SYCP2: variants seen among roughly 807,000 people sequenced by gnomAD.
The protein encoded by SYCP2 is synaptonemal complex lateral element protein.
Under a neutral mutation model 211.3 loss-of-function variants are expected in SYCP2, and 55 were observed. The observed-to-expected ratio is 0.26, with a 90% CI of 0.21 to 0.33. The LOEUF is 0.33. Among genes scored for constraint, SYCP2 ranks in the 10% least tolerant of loss-of-function variants. The pLI, the probability that SYCP2 is intolerant of heterozygous loss-of-function variation, is 1.00. For missense variants in SYCP2, 1,731 were observed against 1,752.0 expected (o/e 0.99, Z 0.21); for synonymous variants, 570 against 555.2 (o/e 1.03, Z -0.37).
At chr20:59,888,188 A>C (rs565869820) in intron 24 of SYCP2, among the ~76,000 whole-genome samples, 1 of 152,118 alleles carries the variant, frequency 6.6e-6, no homozygotes, top group Admixed American at 6.6e-5. Flanking sequence ...TACCAAAACC[A>C]AAGACACTAC....
chr20:59,877,372 T>A lies in SYCP2; in HGVS notation c.3150+13A>T. 2.6e-6 allele frequency: 4 copies of A among 1,524,886 alleles called. No individual in the cohort carries two copies. The highest frequency in any genetic ancestry group is 3.5e-6 in the Non-Finnish European group (4 of 1,142,778). The allele number at this position is 1,524,886 out of a possible 1,614,324, so 94.5% of individuals were successfully genotyped here. A position where few individuals can be genotyped will look rare whatever the true frequency, so the allele number is the denominator to read the frequency against. On this transcript the variant is annotated intron_variant, in intron 33 of 44. Coordinates refer to ENST00000357552, the MANE Select transcript of SYCP2 (RefSeq NM_014258.4). ...GAGGCTTTTAGAAATTAATCTGAAC[T>A]GTATCTATTTACCTTTACTGGTATG...
intron 15 of SYCP2, among the ~76,000 whole-genome samples, chr20:59,903,701 G>T (rs1005077390): frequency 2.0e-5 from 3 of 152,104 alleles, no homozygotes; most frequent in African/African-American, 7.2e-5. Flanking sequence ...AAAAATTCAT[G>T]TTCTTCTGAA....
rs1187307144 is a variant in SYCP2 at position 59,864,007 on chromosome 20, T to C, written c.*304A>G. The C allele has an allele frequency of 1.1e-5, 2 of 176,582 alleles. No individual in the cohort carries two copies. The highest frequency in any genetic ancestry group is 4.7e-5 in the African/African-American group (2 of 42,454). The allele number at this position is 176,582 out of a possible 1,614,324, so 10.9% of individuals were successfully genotyped here. A position where few individuals can be genotyped will look rare whatever the true frequency, so the allele number is the denominator to read the frequency against. Reference sequence around the variant, plus strand: ...TTATGTAATAATACATTTTACACAATAAAATTTAATTTATTAAAGAAACTC... The same window carrying C: ...TTATGTAATAATACATTTTACACAACAAAATTTAATTTATTAAAGAAACTC... On this transcript the variant is annotated 3_prime_UTR_variant, in exon 45 of 45. Transcript: ENST00000357552.
intron 2 of SYCP2, among the ~76,000 whole-genome samples, chr20:59,927,691 C>T (rs1194430751): frequency 1.3e-5 from 2 of 152,126 alleles, no homozygotes; most frequent in South Asian, 2.1e-4. Context: ...CTCCTAGCTT[C>T]CGTGAGAAAG....
chr20:59,924,038 G>A (rs1000527558), intron 2 of SYCP2, among the ~76,000 whole-genome samples: 4 of 151,812 alleles, frequency 2.6e-5, no homozygotes, highest in African/African-American at 4.8e-5. Context: ...AAAAACAGCA[G>A]GTACAAGATC....
At chr20:59,919,968 T>G (rs995578799) in intron 5 of SYCP2, among the ~76,000 whole-genome samples, 7 of 151,706 alleles carry the variant, frequency 4.6e-5, no homozygotes, top group Admixed American at 2.6e-4. Context: ...ATTTAGATAT[T>G]TGAGTACATA....
At chr20:59,891,845 GAGGAA>G in intron 24 of SYCP2, 140 bp downstream of exon 24, 1 of 665,544 alleles carries the variant, frequency 1.5e-6, no homozygotes, top group Non-Finnish European at 2.5e-6. Context: ...AGAGGTGAGT[GAGGAA>G]TTCTGAGAGT....
intron 2 of SYCP2, among the ~76,000 whole-genome samples, chr20:59,930,153 ACT>A (rs765019050): frequency 6.6e-6 from 1 of 152,002 alleles, no homozygotes; most frequent in Non-Finnish European, 1.5e-5. Flanking sequence ...CATTCTCATA[ACT>A]CTATCTTTCA....
At chr20:59,882,186 A>C in intron 26 of SYCP2, 21 bp from the exon 27 acceptor site, 1 of 1,553,854 alleles carries the variant, frequency 6.4e-7, no homozygotes, top group Non-Finnish European at 8.9e-7. Flanking sequence ...GGTTATAAAA[A>C]AATCATTAAA....
intron 26 of SYCP2, among the ~76,000 whole-genome samples, chr20:59,884,161 G>A (rs938726427): frequency 1.4e-4 from 22 of 152,106 alleles, no homozygotes; most frequent in Admixed American, 5.9e-4. Context: ...TTTTGGTGAT[G>A]CCATCACCAC....
intron 15 of SYCP2, among the ~76,000 whole-genome samples, chr20:59,903,255 A>G (rs142621810): frequency 6.6e-6 from 1 of 152,268 alleles, no homozygotes; most frequent in African/African-American, 2.4e-5. Flanking sequence ...TGTTACTGAG[A>G]TACAAGAAAA....
intron 2 of SYCP2, among the ~76,000 whole-genome samples, chr20:59,931,802 C>T (rs1029671056): frequency 6.6e-6 from 1 of 152,118 alleles, no homozygotes; most frequent in Non-Finnish European, 1.5e-5. Context: ...TACACACACA[C>T]ACACACGCAT....
intron 8 of SYCP2, among the ~76,000 whole-genome samples, chr20:59,916,179 TATG>T (rs1223016254): frequency 1.3e-5 from 2 of 152,214 alleles, no homozygotes; most frequent in Admixed American, 6.5e-5. Context: ...ATTTTGTTCT[TATG>T]ATTATAGTAC....
chr20:59,867,751 G>A lies in SYCP2; in HGVS notation c.4085C>T (p.Thr1362Ile). ...AAATTCTGAATTGAGCCTCTCGTAA[G>A]TCTCATAAGTCATCTCTATCCCTGC... ...EFAGIEMTYE[T>I]YERLNSEFKR... Residue 1362 changes from threonine (T) to isoleucine (I), a missense_variant, in exon 39 of 45, where the codon ACT (threonine) becomes ATT (isoleucine). By Grantham distance (89) the Thr-to-Ile change is moderately conservative. Transcript: ENST00000357552. 1 of 1,609,782 alleles carries A rather than the reference G, an allele frequency of 6.2e-7. No individual in the cohort carries two copies. The highest frequency in any genetic ancestry group is 8.5e-7 in the Non-Finnish European group (1 of 1,177,204).
intron 15 of SYCP2, among the ~76,000 whole-genome samples, chr20:59,903,312 A>C (rs147602405): frequency 1.3e-5 from 2 of 152,146 alleles, no homozygotes; most frequent in Non-Finnish European, 2.9e-5. Context: ...ATGGATATCA[A>C]TATGTCAAGA....
At position 59,892,603 on chromosome 20, in the gene SYCP2, C is replaced by G. The variant is rs1174484210; in HGVS notation, c.1892G>C (p.Arg631Thr). ...TGTGTCTCCTGACGAAGTACTTGCT[C>G]TTTGGTTATTACATAGTTCAATGTT... ...VTNIELCNNQ[R>T]ASTSSGDTLN... The change falls in exon 23 of 45, where the codon AGA (arginine) becomes ACA (threonine). Residue 631 changes from arginine (R) to threonine (T), a missense_variant. Arg to Thr is a moderately conservative substitution (Grantham distance 71). This residue lies in a region of SYCP2 where 1,387 missense variants were observed against 1,351.3 expected (regional missense o/e 1.03). Coordinates refer to ENST00000357552, the MANE Select transcript of SYCP2 (RefSeq NM_014258.4). 6.2e-7 allele frequency: 1 copy of G among 1,609,148 alleles called. No individual in the cohort carries two copies. The highest frequency in any genetic ancestry group is 8.5e-7 in the Non-Finnish European group (1 of 1,177,822).
intron 2 of SYCP2, among the ~76,000 whole-genome samples, chr20:59,922,802 A>G (rs188843233): frequency 2.1e-5 from 3 of 145,652 alleles, no homozygotes; most frequent in Admixed American, 2.1e-4. Flanking sequence ...GAGAACAAGG[A>G]AAAAAAAAAA....
chr20:59,912,717 G>C (rs189084127), intron 12 of SYCP2, among the ~76,000 whole-genome samples: 201 of 152,254 alleles, frequency 1.3e-3, no homozygotes, highest in African/African-American at 4.6e-3. Flanking sequence ...ATCTCGTCTT[G>C]AATGGTACTG....
chr20:59,895,458 A>G lies in SYCP2; in HGVS notation c.1644T>C (p.His548=), dbSNP rs267606029. Residue 548 remains histidine (H), a synonymous_variant, in exon 20 of 45, where the codon CAT becomes CAC. Transcript: ENST00000357552. ...SLKSRSSEGR[H]RRDNIDKHIK... is the part of the protein sequence containing the mutation. The stretch of plus-strand genomic sequence containing the variant: ...TTACTTTGTCTATATTATCTCTTCT[A>G]TGTCTTCCTTCTGATGATCTAGATT... 4.3e-6 allele frequency: 7 copies of G among 1,610,242 alleles called. No homozygotes were observed. The East Asian group carries it at 8.9e-5, about 21-fold the overall frequency.
Sources: allele counts gnomAD v4.1 joint callset (sites outside exome capture counted in the v4.1 genomes callset), GRCh38; gene constraint gnomAD v4.1.1; regional missense constraint gnomAD v4.1.1; transcripts MANE v1.5; gene names NCBI Gene and HGNC (gene_info 2026-07-23, HGNC 2026-07-21).